PIK3C3: variants seen among roughly 807,000 people sequenced by gnomAD.
The protein encoded by PIK3C3 is phosphatidylinositol 3-kinase catalytic subunit type 3.
Under a neutral mutation model 126.1 loss-of-function variants are expected in PIK3C3, and 95 were observed. The ratio of observed to expected loss-of-function variants is 0.75; its 90% CI spans 0.64 to 0.89. The LOEUF (loss-of-function observed/expected upper bound fraction) is 0.89. Ranked by LOEUF, PIK3C3 falls within the 40% of genes least tolerant of loss-of-function variation. The probability of loss-of-function intolerance (pLI) is 0.00; values close to 1 mark genes in which losing one functional copy is unlikely to be tolerated. For synonymous variants in PIK3C3, 374 were observed against 360.0 expected (o/e 1.04, Z -0.44); for missense variants, 829 against 1,063.2 (o/e 0.78, Z 3.06).
chr18:41,968,441 T>C (rs1213251172), intron 3 of PIK3C3, among the ~76,000 whole-genome samples: 1 of 152,200 alleles, frequency 6.6e-6, no homozygotes, highest in Non-Finnish European at 1.5e-5. Flanking sequence ...TAATTTTCTT[T>C]TGATGTTTAA....
intron 3 of PIK3C3, 85 bp downstream of exon 3, chr18:41,962,717 T>C: frequency 7.5e-7 from 1 of 1,325,022 alleles, no homozygotes; most frequent in Non-Finnish European, 1.0e-6. Context: ...GCTTTAATAG[T>C]TTATGCTCAG....
At chr18:42,042,269 G>A (rs1004652051) in intron 19 of PIK3C3, among the ~76,000 whole-genome samples, 2 of 152,172 alleles carry the variant, frequency 1.3e-5, no homozygotes, top group African/African-American at 4.8e-5. Context: ...GAAGCTCACT[G>A]TGTCTTCATA....
At position 41,955,366 on chromosome 18, in the gene PIK3C3, G is replaced by C; in HGVS notation, c.68+7G>C. On this transcript the variant is annotated splice_region_variant and intron_variant, in intron 1 of 24. Transcript: ENST00000262039. ...TCAACGTCCAGCTTAAGATGTAAGAGAACACTCGGGACAGGGAGTGGGATT... is the reference window on the plus strand; with the variant it reads ...TCAACGTCCAGCTTAAGATGTAAGACAACACTCGGGACAGGGAGTGGGATT... 1.2e-6 allele frequency: 2 copies of C among 1,611,456 alleles called. No individual in the cohort carries two copies. The highest frequency in any genetic ancestry group is 1.7e-6 in the Non-Finnish European group (2 of 1,178,126).
rs569467527 is a variant in PIK3C3, at chr18:42,045,899, A to G, written c.2188+2082A>G. On this transcript the variant is annotated intron_variant, in intron 20 of 24. Transcript: ENST00000262039. ...TGTTTAATAAAGAAATACTTTTTCC[A>G]CACAAAATACATACACACACGCTTG... 7.9e-5 allele frequency among the ~76,000 whole-genome samples: 12 copies of G among 152,346 alleles called. No individual in the cohort carries two copies. The South Asian group carries it at 2.3e-3, about 29-fold the overall frequency.
chr18:42,087,489 T>G lies in PIK3C3; in HGVS notation c.*6352T>G, dbSNP rs893968539. On this transcript the variant is annotated 3_prime_UTR_variant, in exon 25 of 25. Transcript: ENST00000262039. ...ATGAAGCCACCATCTTGAAAATGTC[T>G]AGTCCTTAGTTTCTGCTGGCATTCA... The G allele has an allele frequency of 1.2e-4, 19 of 152,238 alleles. No individual in the cohort carries two copies. Among genetic ancestry groups the G allele is most frequent in the African/African-American group, 4.3e-4 (18 of 41,454 alleles). 9.4% of individuals were successfully genotyped at this position (152,238 alleles called of 1,614,324 possible).
intron 4 of PIK3C3, chr18:41,971,117 A>T (rs1220548225): frequency 6.5e-6 from 1 of 153,140 alleles, no homozygotes; most frequent in African/African-American, 2.4e-5. Context: ...TATTCCGTGC[A>T]TTAATTGCAA....
chr18:42,030,328 A>G lies in PIK3C3; in HGVS notation c.1707+887A>G, dbSNP rs1203590476. ...TTGATGGGTAGAAGTGAATGAGTAG[A>G]TGAGTTCTTCACGTGACATTTTTTC... is the stretch of plus-strand genomic sequence containing the variant. On this transcript the variant is annotated intron_variant, in intron 15 of 24. Coordinates refer to ENST00000262039, the MANE Select transcript of PIK3C3 (RefSeq NM_002647.4). Among the ~76,000 whole-genome samples, 3 of 152,164 alleles carry G rather than the reference A, an allele frequency of 2.0e-5. No homozygotes were observed. In the East Asian group the frequency reaches 5.8e-4, roughly 29 times the overall value.
intron 3 of PIK3C3, among the ~76,000 whole-genome samples, chr18:41,967,559 T>A (rs537578435): frequency 6.6e-6 from 1 of 152,326 alleles, no homozygotes; most frequent in East Asian, 1.9e-4. Context: ...TATCAGCTCT[T>A]GCTGTTTGCT....
exon 25 of PIK3C3, chr18:42,087,826 GTAAA>G (rs1252089700): frequency 1.3e-5 from 2 of 152,128 alleles, no homozygotes; most frequent in South Asian, 4.1e-4. Context: ...TCATAAATGA[GTAAA>G]TGAATGTTTT....
At chr18:42,061,635 GT>G (rs1412417487) in intron 22 of PIK3C3, among the ~76,000 whole-genome samples, 1 of 152,098 alleles carries the variant, frequency 6.6e-6, no homozygotes, top group Admixed American at 6.5e-5. Flanking sequence ...TTAAATGACT[GT>G]CCTATGAAGT....
At chr18:42,002,841 C>T (rs554660424) in intron 9 of PIK3C3, among the ~76,000 whole-genome samples, 3 of 152,250 alleles carry the variant, frequency 2.0e-5, no homozygotes, top group African/African-American at 7.2e-5. Context: ...GAGAATCAGG[C>T]TGAAGACAAA....
intron 19 of PIK3C3, among the ~76,000 whole-genome samples, chr18:42,043,416 C>T (rs972594092): frequency 4.6e-5 from 7 of 152,054 alleles, no homozygotes; most frequent in Non-Finnish European, 4.4e-5. Flanking sequence ...TTTAATAGTA[C>T]GTTAATCGTA....
At chr18:41,983,636 C>G (rs552476178) in intron 4 of PIK3C3, among the ~76,000 whole-genome samples, 1 of 152,074 alleles carries the variant, frequency 6.6e-6, no homozygotes, top group African/African-American at 2.4e-5. Flanking sequence ...TTCTAATGAT[C>G]GTGGAAGTCT....
chr18:41,993,007 A>G (rs1981853665), intron 6 of PIK3C3, among the ~76,000 whole-genome samples: 2 of 152,284 alleles, frequency 1.3e-5, no homozygotes, highest in South Asian at 2.1e-4. Flanking sequence ...ACAACTCGAA[A>G]CAATCTAATT....
In PIK3C3 at chr18:42,082,342, G is replaced by A. The variant is rs151118205; in HGVS notation, c.*1205G>A. ...TATTTGTCTCAAATTCTTAGCCCTG[G>A]GCTTGCCTCTTCAGAGTGGGGTTAC... is the stretch of plus-strand genomic sequence containing the variant. On this transcript the variant is annotated 3_prime_UTR_variant, in exon 25 of 25. Transcript: ENST00000262039. The A allele has an allele frequency of 4.3e-4, 65 of 152,190 alleles. No homozygotes were observed. The highest frequency in any genetic ancestry group is 1.4e-3 in the African/African-American group (58 of 41,516). 9.4% of individuals were successfully genotyped at this position (152,190 alleles called of 1,614,324 possible).
chr18:42,041,903 G>C (rs1984340085), intron 19 of PIK3C3, among the ~76,000 whole-genome samples: 2 of 152,210 alleles, frequency 1.3e-5, no homozygotes, highest in Admixed American at 1.3e-4. Context: ...GTAACCTTGA[G>C]TGAACTGGTT....
chr18:42,070,079 T>G (rs914595311), intron 24 of PIK3C3, among the ~76,000 whole-genome samples: 8 of 152,196 alleles, frequency 5.3e-5, no homozygotes, highest in Admixed American at 2.0e-4. Flanking sequence ...TTAGGTGTTC[T>G]CTGCATGGAC....
rs141382249 is a variant in PIK3C3 at position 42,041,764 on chromosome 18, T to C, written c.2103+1023T>C. ...GATTTGTAGAAAAGTATTACTCTGA[T>C]TCTTTTGCAAAGCAAGTGCTTATTC... On this transcript the variant is annotated intron_variant, in intron 19 of 24. Coordinates refer to ENST00000262039, the MANE Select transcript of PIK3C3 (RefSeq NM_002647.4). Among the ~76,000 whole-genome samples the C allele has an allele frequency of 7.0e-3, 1,067 of 152,320 alleles. 4 individuals are homozygous for C. The highest frequency in any genetic ancestry group is 0.011 in the Non-Finnish European group (741 of 68,018).
rs560986001 is a variant in PIK3C3, at chr18:42,087,336, G to A, written c.*6199G>A. ...GGTTTGAGGAGGTGGTTTCTGATTG[G>A]TTGCATCATGTATGACGTTTGCAAG... On this transcript the variant is annotated 3_prime_UTR_variant, in exon 25 of 25. Transcript: ENST00000262039. The A allele has an allele frequency of 6.6e-6, 1 of 152,306 alleles. No homozygotes were observed. Among genetic ancestry groups the A allele is most frequent in the East Asian group, 1.9e-4 (1 of 5,180 alleles). 9.4% of individuals were successfully genotyped at this position (152,306 alleles called of 1,614,324 possible). A position where few individuals can be genotyped will look rare whatever the true frequency, so the allele number is the denominator to read the frequency against.
Sources: allele counts gnomAD v4.1 joint callset (sites outside exome capture counted in the v4.1 genomes callset), GRCh38; gene constraint gnomAD v4.1.1; transcripts MANE v1.5; gene names NCBI Gene and HGNC (gene_info 2026-07-23, HGNC 2026-07-21).